Variants in S100PBP observed in about 807,000 individuals in gnomAD.
The protein encoded by S100PBP is S100P-binding protein.
In S100PBP, 15 loss-of-function variants were observed where a neutral mutation model predicts 39.9. That is an observed-to-expected ratio of 0.38 (90% confidence interval 0.25 to 0.58). The LOEUF is 0.58. Among genes scored for constraint, S100PBP ranks in the 20% least tolerant of loss-of-function variants. S100PBP has a pLI of 0.70. For synonymous variants in S100PBP, 178 were observed against 180.3 expected, an observed-to-expected ratio of 0.99 and a Z score of 0.10; for missense variants, 504 against 487.3, an observed-to-expected ratio of 1.03 and a Z score of -0.32.
At chr1:32,834,080 T>TA (rs1639716354) in intron 5 of S100PBP, 1 of 291,974 alleles carries the variant, frequency 3.4e-6, no homozygotes. Flanking sequence ...TATAAACATT[T>TA]AAAAAACTGT....
At chr1:32,846,533 T>C (rs1038166211) in intron 5 of S100PBP, among the ~76,000 whole-genome samples, 12 of 152,042 alleles carry the variant, frequency 7.9e-5, no homozygotes, top group Admixed American at 7.2e-4. Context: ...TTTTGTAGTA[T>C]TTTTTAGTAT....
Position 32,856,207 on chromosome 1 carries a change from T to A in S100PBP, c.*169T>A, listed in dbSNP as rs1640813079. ...GGAAATGCCCATTGCCGACTTGAATTTTTTTGTATGAAGTCCCTCCTGATT... is the reference window on the plus strand; with the variant it reads ...GGAAATGCCCATTGCCGACTTGAATATTTTTGTATGAAGTCCCTCCTGATT... On this transcript the variant is annotated 3_prime_UTR_variant, in exon 7 of 7. Coordinates refer to ENST00000373475, the MANE Select transcript of S100PBP (RefSeq NM_022753.4). 1 of 464,112 alleles carries A rather than the reference T, an allele frequency of 2.2e-6. No homozygotes were observed. The highest frequency in any genetic ancestry group is 3.6e-5 in the Admixed American group (1 of 27,430). 28.7% of individuals were successfully genotyped at this position (464,112 alleles called of 1,614,324 possible).
chr1:32,855,789 A>G (rs960416551), intron 6 of S100PBP, 135 bp from the exon 7 acceptor site: 1 of 557,468 alleles, frequency 1.8e-6, no homozygotes, highest in Admixed American at 3.2e-5. Context: ...AATTGTGAGA[A>G]TTGAAATATA....
In S100PBP at chr1:32,857,321, T is replaced by C. The variant is rs1377988751; in HGVS notation, c.*1283T>C. 6.6e-6 allele frequency: 1 copy of C among 152,148 alleles called. No homozygotes were observed. Among genetic ancestry groups the C allele is most frequent in the African/African-American group, 2.4e-5 (1 of 41,418 alleles). The allele number at this position is 152,148 out of a possible 1,614,324, so 9.4% of individuals were successfully genotyped here. ...TCTTAGGAGTTGGTTATTCTCTCTT[T>C]TTTTTTTGAGACGGAGTTTCGCTGT... is the stretch of plus-strand genomic sequence containing the variant. On this transcript the variant is annotated 3_prime_UTR_variant, in exon 7 of 7. Transcript: ENST00000373475.
chr1:32,827,006 C>T, intron 3 of S100PBP, 76 bp downstream of exon 3: 4 of 944,850 alleles, frequency 4.2e-6, no homozygotes, highest in South Asian at 1.8e-5. Flanking sequence ...TTTCCATATA[C>T]CTGCTATCTC....
At chr1:32,844,167 C>T (rs544161188) in intron 5 of S100PBP, among the ~76,000 whole-genome samples, 118 of 151,910 alleles carry the variant, frequency 7.8e-4, no homozygotes, top group African/African-American at 2.6e-3. Context: ...CCGCCCACTT[C>T]GGCCTCCGCA....
intron 5 of S100PBP, among the ~76,000 whole-genome samples, chr1:32,845,213 A>G (rs1267900847): frequency 6.6e-6 from 1 of 151,816 alleles, no homozygotes; most frequent in African/African-American, 2.4e-5. Flanking sequence ...TTTAGTAGAG[A>G]CGGGGTTTCA....
intron 5 of S100PBP, among the ~76,000 whole-genome samples, chr1:32,837,565 CAA>C (rs1278688029): frequency 6.3e-4 from 52 of 82,044 alleles, no homozygotes; most frequent in Middle Eastern, 6.3e-3. Context: ...AACTCCGTCT[CAA>C]AAAAAAAAAA....
chr1:32,841,729 C>CAAA (rs56267418), intron 5 of S100PBP, among the ~76,000 whole-genome samples: 6 of 55,156 alleles, frequency 1.1e-4, no homozygotes, highest in Admixed American at 2.1e-4. Context: ...AACTCTGTCT[C>CAAA]AAAAAAAAAA....
rs113271448 is a variant in S100PBP, at chr1:32,832,540, A to C, written c.1024+2473A>C. Among the ~76,000 whole-genome samples the C allele has an allele frequency of 3.1e-3, 478 of 152,328 alleles. 7 individuals are homozygous for C. Among genetic ancestry groups the C allele is most frequent in the African/African-American group, 0.011 (453 of 41,568 alleles). On this transcript the variant is annotated intron_variant, in intron 5 of 6. Transcript: ENST00000373475. ...CTGGCACTTCCTTCTGCCTTCCAGG[A>C]ACCCAGTATAATATGAAGTTTTTCT...
chr1:32,829,241 C>T (rs981319201), intron 4 of S100PBP, among the ~76,000 whole-genome samples: 1 of 152,048 alleles, frequency 6.6e-6, no homozygotes, highest in Non-Finnish European at 1.5e-5. Flanking sequence ...GAGTATGGGC[C>T]AGAAATTGCT....
At chr1:32,842,266 C>CACACAG (rs1640153819) in intron 5 of S100PBP, among the ~76,000 whole-genome samples, 1 of 136,856 alleles carries the variant, frequency 7.3e-6, no homozygotes, top group Admixed American at 7.7e-5. Flanking sequence ...CACACACACA[C>CACACAG]ACACGTGGGA....
chr1:32,823,247 T>G (rs923139198), intron 1 of S100PBP, among the ~76,000 whole-genome samples: 2 of 122,124 alleles, frequency 1.6e-5, no homozygotes, highest in African/African-American at 3.2e-5. Flanking sequence ...ATGTAGCTGC[T>G]TAACCCCAGT....
intron 5 of S100PBP, chr1:32,834,913 G>A (rs1363508900): frequency 6.6e-6 from 1 of 152,262 alleles, no homozygotes; most frequent in African/African-American, 2.4e-5. Flanking sequence ...GGCTGAGGCA[G>A]ATGGATCATC....
intron 1 of S100PBP, among the ~76,000 whole-genome samples, chr1:32,822,149 C>A (rs1019918039): frequency 2.6e-5 from 4 of 152,032 alleles, no homozygotes; most frequent in African/African-American, 9.7e-5. Context: ...TGAAATGATA[C>A]AATGCCTGGG....
At chr1:32,832,968 A>G (rs1639665185) in intron 5 of S100PBP, among the ~76,000 whole-genome samples, 1 of 150,172 alleles carries the variant, frequency 6.7e-6, no homozygotes, top group African/African-American at 2.5e-5. Flanking sequence ...TAATCTCTTT[A>G]GTTTAGTGCC....
At chr1:32,828,106 T>A (rs763808097) in intron 4 of S100PBP, 25 bp downstream of exon 4, 1 of 1,472,524 alleles carries the variant, frequency 6.8e-7, no homozygotes, top group Non-Finnish European at 9.4e-7. Flanking sequence ...AATTAAATAT[T>A]CTGATTTATT....
rs552978579 is a variant in S100PBP at position 32,826,747 on chromosome 1, C to T, written c.648C>T (p.Asn216=). ...ATGGGCCCCAGCTCTCTTCTTCAAA[C>T]AATAACTTTCAACAGACTGTCTCTG... ...AWNGPQLSSS[N]NNFQQTVSDK... is the part of the protein sequence containing the mutation. Residue 216 remains asparagine, a synonymous_variant, in exon 3 of 7, where the codon AAC becomes AAT. Transcript: ENST00000373475. The T allele has an allele frequency of 6.2e-7, 1 of 1,614,136 alleles. No individual in the cohort carries two copies. The highest frequency in any genetic ancestry group is 1.3e-5 in the African/African-American group (1 of 75,032).
rs147892357 is a variant in S100PBP at position 32,821,469 on chromosome 1, G to A, written c.-120+3780G>A. ...CTCGAATAGCTGGGGTTATAGGTGC[G>A]CGCCACCAAGCCCAGCTAATTTTTG... On this transcript the variant is annotated intron_variant, in intron 1 of 6. Coordinates refer to ENST00000373475, the MANE Select transcript of S100PBP (RefSeq NM_022753.4). Among the ~76,000 whole-genome samples the A allele has an allele frequency of 1.6e-4, 25 of 151,586 alleles. No homozygotes were observed. In the East Asian group the frequency reaches 3.5e-3, roughly 21 times the overall value.
Sources: gnomAD v4.1 joint callset for allele counts (sites outside exome capture counted in the v4.1 genomes callset) on GRCh38, gnomAD v4.1.1 for gene constraint, MANE v1.5 for transcripts, NCBI Gene and HGNC (gene_info 2026-07-23, HGNC 2026-07-21) for gene names.